CCDC171: variants seen among roughly 807,000 people sequenced by gnomAD.
The protein encoded by CCDC171 is coiled-coil domain-containing protein 171.
CCDC171 carries 177 observed loss-of-function variants against 168.2 expected under a neutral mutation model. The observed-to-expected ratio is 1.05, with a 90% CI of 0.93 to 1.19. The LOEUF is 1.19. Among genes scored for constraint, CCDC171 ranks in the 50% most tolerant of loss-of-function variants. The pLI, the probability that CCDC171 is intolerant of heterozygous loss-of-function variation, is 0.00. For synonymous variants in CCDC171, 687 were observed against 540.8 expected, an observed-to-expected ratio of 1.27 and a Z score of -3.75; for missense variants, 1,991 against 1,539.0, an observed-to-expected ratio of 1.29 and a Z score of -4.91.
At chr9:15,714,005 A>G (rs2052889739) in intron 11 of CCDC171, among the ~76,000 whole-genome samples, 1 of 152,054 alleles carries the variant, frequency 6.6e-6, no homozygotes, top group African/African-American at 2.4e-5. Flanking sequence ...CTTCATTCCA[A>G]TTGCCAGAAA....
chr9:16,105,554 A>G, the CCDC171 span, among the ~76,000 whole-genome samples: 2 of 152,192 alleles, frequency 1.3e-5, no homozygotes, highest in African/African-American at 2.4e-5. Context: ...CTAGCCTTGG[A>G]TGGATTTACG....
chr9:16,018,784 C>T lies in CCDC171; in HGVS notation n.369-1805C>T, dbSNP rs544920954. On this transcript the variant is annotated intron_variant and non_coding_transcript_variant, in intron 3 of 9. Transcript: ENST00000486641. Reference sequence around the variant, plus strand: ...CTAATTTTAAGAAAGTTGCTGATACCCAAGGGAGCTACAAAAGGTTATGGG... The same window carrying T: ...CTAATTTTAAGAAAGTTGCTGATACTCAAGGGAGCTACAAAAGGTTATGGG... Among the ~76,000 whole-genome samples the T allele has an allele frequency of 2.1e-4, 32 of 152,220 alleles. 1 individual carries two copies. In the South Asian group the frequency reaches 6.4e-3, roughly 31 times the overall value.
rs537247133 is a variant in CCDC171, at chr9:15,737,048, G to A, written c.2050-7225G>A. Among the ~76,000 whole-genome samples the A allele has an allele frequency of 9.2e-5, 14 of 151,766 alleles. No homozygotes were observed. In the East Asian group the frequency reaches 2.5e-3, roughly 27 times the overall value. ...GCTACATTGTCAGCCACCCACAAAT[G>A]GTAGTTCTCTTAATTTGTATTTCTC... On this transcript the variant is annotated intron_variant, in intron 16 of 25. Coordinates refer to ENST00000380701, the MANE Select transcript of CCDC171 (RefSeq NM_173550.4).
chr9:15,567,757 G>A (rs989204161), intron 2 of CCDC171, among the ~76,000 whole-genome samples: 2 of 151,718 alleles, frequency 1.3e-5, no homozygotes, highest in Admixed American at 6.6e-5. Flanking sequence ...GAGCTCAAGT[G>A]ACCCTCCTGC....
chr9:15,786,743 G>A (rs959895974), intron 21 of CCDC171, among the ~76,000 whole-genome samples: 6 of 152,030 alleles, frequency 3.9e-5, no homozygotes, highest in African/African-American at 9.7e-5. Context: ...CCCACCTTAC[G>A]ACATTCCACC....
intron 21 of CCDC171, among the ~76,000 whole-genome samples, chr9:15,800,528 A>T (rs1363040358): frequency 6.6e-6 from 1 of 152,040 alleles, no homozygotes; most frequent in Non-Finnish European, 1.5e-5. Flanking sequence ...TGTCAGATGG[A>T]CAGTTTGCAA....
chr9:16,092,898 C>G, the CCDC171 span, among the ~76,000 whole-genome samples: 7 of 152,206 alleles, frequency 4.6e-5, no homozygotes, highest in Non-Finnish European at 8.8e-5. Context: ...GCCTCGTGCC[C>G]GGCTGGCCCT....
At chr9:15,798,563 C>G (rs901567995) in intron 21 of CCDC171, among the ~76,000 whole-genome samples, 1 of 152,028 alleles carries the variant, frequency 6.6e-6, no homozygotes, top group East Asian at 1.9e-4. Context: ...TTTAGCCCTT[C>G]TTTTTCTAGT....
chr9:16,016,503 A>T (rs73645214), intron 3 of CCDC171, among the ~76,000 whole-genome samples: 116 of 152,288 alleles, frequency 7.6e-4, no homozygotes, highest in African/African-American at 2.7e-3. Flanking sequence ...AGTGCAGGGG[A>T]TTAGTGAAAA....
chr9:15,561,393 A>G (rs2039291229), intron 1 of CCDC171, among the ~76,000 whole-genome samples: 2 of 152,200 alleles, frequency 1.3e-5, no homozygotes. Context: ...AAGAAGAGAA[A>G]GGCTGATTTT....
At chr9:15,856,058 A>AT (rs1408819588) in intron 23 of CCDC171, among the ~76,000 whole-genome samples, 1 of 151,794 alleles carries the variant, frequency 6.6e-6, no homozygotes, top group Non-Finnish European at 1.5e-5. Context: ...GTATCCTTTC[A>AT]TTTCAGGACT....
intron 21 of CCDC171, among the ~76,000 whole-genome samples, chr9:15,838,807 T>G (rs1386469024): frequency 6.6e-6 from 1 of 152,162 alleles, no homozygotes; most frequent in Admixed American, 6.6e-5. Context: ...GCAGCTAAGA[T>G]CTCCCTAACT....
At chr9:15,705,002 A>T (rs141010619) in intron 11 of CCDC171, among the ~76,000 whole-genome samples, 1 of 152,066 alleles carries the variant, frequency 6.6e-6, no homozygotes, top group African/African-American at 2.4e-5. Context: ...AGTTCTGGGG[A>T]TCTAATGTAC....
chr9:15,960,957 A>C (rs1011140557), intron 25 of CCDC171, among the ~76,000 whole-genome samples: 1 of 152,110 alleles, frequency 6.6e-6, no homozygotes, highest in Non-Finnish European at 1.5e-5. Context: ...TTTAGGTGTG[A>C]TATAATGGAA....
intron 4 of CCDC171, among the ~76,000 whole-genome samples, chr9:15,582,586 G>A (rs1205691901): frequency 6.6e-6 from 1 of 152,120 alleles, no homozygotes; most frequent in African/African-American, 2.4e-5. Context: ...TATACACCAT[G>A]GAATACTATG....
intron 1 of CCDC171, among the ~76,000 whole-genome samples, chr9:15,557,765 C>T (rs2038930565): frequency 6.6e-6 from 1 of 152,064 alleles, no homozygotes; most frequent in African/African-American, 2.4e-5. Context: ...CCAGAAGTTC[C>T]AACACTATGT....
chr9:15,642,110 G>C (rs2132543981), intron 7 of CCDC171, among the ~76,000 whole-genome samples: 1 of 151,920 alleles, frequency 6.6e-6, no homozygotes, highest in East Asian at 1.9e-4. Context: ...GCAGTGAGCT[G>C]AGATTGCACC....
intron 25 of CCDC171, among the ~76,000 whole-genome samples, chr9:15,954,284 C>A (rs751103901): frequency 6.6e-5 from 10 of 151,058 alleles, no homozygotes; most frequent in African/African-American, 9.7e-5. Context: ...GATTTGAGAT[C>A]TTTCTTGTTT....
chr9:15,940,438 A>T (rs1295098037), intron 25 of CCDC171, among the ~76,000 whole-genome samples: 1 of 151,902 alleles, frequency 6.6e-6, no homozygotes, highest in Non-Finnish European at 1.5e-5. Context: ...TTCCCACATA[A>T]GGAAGGATAT....
Sources: allele counts gnomAD v4.1 joint callset (sites outside exome capture counted in the v4.1 genomes callset), GRCh38; gene constraint gnomAD v4.1.1; transcripts MANE v1.5; gene names NCBI Gene and HGNC (gene_info 2026-07-23, HGNC 2026-07-21).